Variants in CAST observed in about 807,000 individuals in gnomAD.
CAST encodes the protein calpastatin.
In CAST, 76 loss-of-function variants were observed where a neutral mutation model predicts 119.6. That is an observed-to-expected ratio of 0.64 (90% confidence interval 0.53 to 0.77). The LOEUF is 0.77. Among genes scored for constraint, CAST ranks in the 30% least tolerant of loss-of-function variants. The pLI is 0.00. For missense variants in CAST, 953 were observed against 946.5 expected (o/e 1.01, Z -0.09); for synonymous variants, 319 against 331.6 (o/e 0.96, Z 0.41).
the CAST span, among the ~76,000 whole-genome samples, chr5:95,971,764 G>A: frequency 4.1e-3 from 625 of 152,160 alleles, 5 homozygotes; most frequent in African/African-American, 9.4e-3. Context: ...AGATTCATCC[G>A]TGTTGTTGCA....
chr5:96,170,166 G>A, the CAST span, among the ~76,000 whole-genome samples: 10 of 152,192 alleles, frequency 6.6e-5, no homozygotes, highest in Non-Finnish European at 8.8e-5. Flanking sequence ...CCGCTAAGCC[G>A]AGTAAATCTG....
At chr5:96,073,681 A>G in the CAST span, among the ~76,000 whole-genome samples, 3 of 152,100 alleles carry the variant, frequency 2.0e-5, no homozygotes, top group East Asian at 3.9e-4. Flanking sequence ...ACAGTTCACA[A>G]TAGGGTTTCT....
chr5:96,270,544 A>G, the CAST span, among the ~76,000 whole-genome samples: 25,672 of 152,198 alleles, frequency 0.17, 3,270 homozygotes, highest in African/African-American at 0.35. Flanking sequence ...GAACAAGATC[A>G]TGTTCTTTGC....
intron 1 of CAST, among the ~76,000 whole-genome samples, chr5:96,611,416 A>G (rs1172416524): frequency 6.6e-6 from 1 of 152,162 alleles, no homozygotes; most frequent in Non-Finnish European, 1.5e-5. Flanking sequence ...GTGCAGAAGA[A>G]TAAAACTGGA....
the CAST span, among the ~76,000 whole-genome samples, chr5:96,447,452 G>GCA: frequency 6.6e-6 from 1 of 152,176 alleles, no homozygotes; most frequent in African/African-American, 2.4e-5. Flanking sequence ...ACACAAGTGT[G>GCA]CACACACACT....
the CAST span, among the ~76,000 whole-genome samples, chr5:96,109,079 C>T: frequency 8.5e-5 from 13 of 152,244 alleles, no homozygotes; most frequent in East Asian, 1.9e-4. Flanking sequence ...CGCCCTGCTT[C>T]GGCTTGCGCA....
chr5:95,986,015 C>T, the CAST span, among the ~76,000 whole-genome samples: 2 of 152,192 alleles, frequency 1.3e-5, no homozygotes, highest in Non-Finnish European at 2.9e-5. Flanking sequence ...TTTGAATCTG[C>T]AGCTGTAGCT....
At chr5:96,637,574 C>T (rs551042509) in intron 1 of CAST, among the ~76,000 whole-genome samples, 1 of 152,294 alleles carries the variant, frequency 6.6e-6, no homozygotes, top group African/African-American at 2.4e-5. Context: ...CAGATGAAGA[C>T]TGGCTGGCTT....
the CAST span, among the ~76,000 whole-genome samples, chr5:95,992,396 C>T: frequency 6.6e-6 from 1 of 151,258 alleles, no homozygotes; most frequent in Non-Finnish European, 1.5e-5. Flanking sequence ...GAGAGGGGTA[C>T]TTCTCTATGC....
intron 1 of CAST, among the ~76,000 whole-genome samples, chr5:96,542,308 CA>C (rs759173589): frequency 0.1 from 3,755 of 37,040 alleles, 64 homozygotes; most frequent in Middle Eastern, 0.23. Context: ...GACTTAGTCT[CA>C]AAAAAAAAAA....
chr5:96,765,392 CTG>C (rs2150722507), intron 26 of CAST, 67 bp downstream of exon 26: 1 of 754,126 alleles, frequency 1.3e-6, no homozygotes, highest in South Asian at 1.6e-5. Flanking sequence ...GGTCTTGACT[CTG>C]TCATTGTCAT....
intron 2 of CAST, among the ~76,000 whole-genome samples, chr5:96,680,556 A>G (rs1264721758): frequency 6.6e-6 from 1 of 151,966 alleles, no homozygotes; most frequent in Non-Finnish European, 1.5e-5. Flanking sequence ...GCAAAGGAAC[A>G]CCATTATAGG....
chr5:96,405,619 C>T, the CAST span, among the ~76,000 whole-genome samples: 13 of 152,032 alleles, frequency 8.6e-5, no homozygotes, highest in African/African-American at 3.1e-4. Flanking sequence ...TGCAGTGAGC[C>T]GAGATCTTGC....
the CAST span, among the ~76,000 whole-genome samples, chr5:96,114,607 T>A: frequency 1.3e-5 from 2 of 152,210 alleles, no homozygotes; most frequent in African/African-American, 4.8e-5. Flanking sequence ...ATATGATCAT[T>A]GAACCACATG....
At chr5:96,188,582 G>A in the CAST span, among the ~76,000 whole-genome samples, 1 of 151,998 alleles carries the variant, frequency 6.6e-6, no homozygotes, top group Non-Finnish European at 1.5e-5. Context: ...AGATATATCT[G>A]TTGAGTGAAT....
chr5:96,659,489 G>A (rs1323833453), upstream of CAST, among the ~76,000 whole-genome samples: 2 of 152,112 alleles, frequency 1.3e-5, no homozygotes, highest in Non-Finnish European at 2.9e-5. Flanking sequence ...TTACCTATGT[G>A]CAGACAGTAA....
At chr5:96,600,161 A>T (rs1747124332) in intron 1 of CAST, among the ~76,000 whole-genome samples, 1 of 152,226 alleles carries the variant, frequency 6.6e-6, no homozygotes, top group Non-Finnish European at 1.5e-5. Context: ...CCTTATGGGC[A>T]TGGGGTAGAG....
the CAST span, among the ~76,000 whole-genome samples, chr5:96,324,298 G>A: frequency 6.6e-6 from 1 of 152,158 alleles, no homozygotes; most frequent in East Asian, 1.9e-4. Context: ...CTGACTCACT[G>A]AGGAAATACG....
intron 1 of CAST, among the ~76,000 whole-genome samples, chr5:96,601,853 G>T (rs904666396): frequency 1.3e-5 from 2 of 152,180 alleles, no homozygotes; most frequent in African/African-American, 4.8e-5. Context: ...TCCGGCATTT[G>T]ATAAGCACCG....
Sources: gnomAD v4.1 joint callset for allele counts (sites outside exome capture counted in the v4.1 genomes callset) on GRCh38, gnomAD v4.1.1 for gene constraint, MANE v1.5 for transcripts, NCBI Gene and HGNC (gene_info 2026-07-23, HGNC 2026-07-21) for gene names.